Variants in CAMK4 observed in about 807,000 individuals in gnomAD.
CAMK4 encodes the protein calcium/calmodulin-dependent protein kinase type IV.
CAMK4 carries 22 observed loss-of-function variants against 44.9 expected under a neutral mutation model. That is an observed-to-expected ratio of 0.49 (90% CI 0.35 to 0.70). The LOEUF is 0.70. Ranked by LOEUF, CAMK4 falls within the 30% of genes least tolerant of loss-of-function variation. The pLI, the probability that CAMK4 is intolerant of heterozygous loss-of-function variation, is 0.01. For missense variants in CAMK4, 498 were observed against 586.8 expected (o/e 0.85, Z 1.56); for synonymous variants, 218 against 215.4 (o/e 1.01, Z -0.11).
At chr5:111,404,502 G>C (rs1463515687) in intron 5 of CAMK4, among the ~76,000 whole-genome samples, 2 of 152,206 alleles carry the variant, frequency 1.3e-5, no homozygotes, top group Non-Finnish European at 2.9e-5. Flanking sequence ...TTAGCTGCTA[G>C]AGAAAAAGAA....
At chr5:111,386,385 A>G (rs1443789712) in intron 4 of CAMK4, among the ~76,000 whole-genome samples, 1 of 152,218 alleles carries the variant, frequency 6.6e-6, no homozygotes, top group African/African-American at 2.4e-5. Context: ...TCTTTCTCAC[A>G]TAAACCTAGT....
At chr5:111,385,210 G>T (rs1751555096) in intron 4 of CAMK4, among the ~76,000 whole-genome samples, 1 of 152,082 alleles carries the variant, frequency 6.6e-6, no homozygotes, top group African/African-American at 2.4e-5. Context: ...TTAGAGATTG[G>T]CCCCATATTC....
chr5:111,244,895 A>G (rs1469796456), intron 1 of CAMK4, among the ~76,000 whole-genome samples: 1 of 151,890 alleles, frequency 6.6e-6, no homozygotes, highest in Non-Finnish European at 1.5e-5. Flanking sequence ...AATAAATAAT[A>G]TAACATAACA....
chr5:111,298,194 T>G (rs778706788), intron 1 of CAMK4, among the ~76,000 whole-genome samples: 1 of 152,232 alleles, frequency 6.6e-6, no homozygotes, highest in South Asian at 2.1e-4. Flanking sequence ...TTAAAAATTA[T>G]GTATATAAGT....
intron 4 of CAMK4, among the ~76,000 whole-genome samples, chr5:111,387,098 G>A (rs1000621264): frequency 6.6e-6 from 1 of 152,122 alleles, no homozygotes; most frequent in African/African-American, 2.4e-5. Flanking sequence ...TTCAAATCAC[G>A]AAACAGAAAT....
At chr5:111,420,023 T>C (rs1261277650) in intron 5 of CAMK4, among the ~76,000 whole-genome samples, 4 of 152,004 alleles carry the variant, frequency 2.6e-5, no homozygotes, top group Non-Finnish European at 2.9e-5. Context: ...AATCTATAAA[T>C]TACCTTGGGC....
chr5:111,393,924 G>T (rs1751903001), intron 4 of CAMK4, among the ~76,000 whole-genome samples: 2 of 147,580 alleles, frequency 1.4e-5, no homozygotes, highest in African/African-American at 5.0e-5. Flanking sequence ...AAACTCTAAA[G>T]ATCAAGTGAC....
chr5:111,381,035 T>C (rs1256653912), intron 4 of CAMK4, among the ~76,000 whole-genome samples: 1 of 152,130 alleles, frequency 6.6e-6, no homozygotes, highest in Non-Finnish European at 1.5e-5. Context: ...CTTAGCTCTG[T>C]GTAATTGCCA....
chr5:111,232,060 C>T (rs1748498790), intron 1 of CAMK4, among the ~76,000 whole-genome samples: 1 of 152,076 alleles, frequency 6.6e-6, no homozygotes, highest in Non-Finnish European at 1.5e-5. Context: ...TATTTAATTC[C>T]ATGCGTTTGT....
intron 5 of CAMK4, among the ~76,000 whole-genome samples, chr5:111,445,102 T>C (rs962930977): frequency 2.4e-4 from 36 of 152,220 alleles, no homozygotes; most frequent in Non-Finnish European, 2.9e-5. Context: ...CAGGTATCTG[T>C]CCTAGAAAAA....
chr5:111,366,275 A>G (rs137994647), intron 2 of CAMK4, among the ~76,000 whole-genome samples: 2 of 152,292 alleles, frequency 1.3e-5, no homozygotes, highest in East Asian at 3.9e-4. Flanking sequence ...AATCTCTGCA[A>G]GGAAAATAAG....
chr5:111,412,922 G>C (rs1355588678), intron 5 of CAMK4, among the ~76,000 whole-genome samples: 4 of 152,172 alleles, frequency 2.6e-5, no homozygotes, highest in Non-Finnish European at 4.4e-5. Flanking sequence ...GTGGGTAAAA[G>C]TATGACTGCA....
intron 7 of CAMK4, among the ~76,000 whole-genome samples, chr5:111,456,667 T>TA (rs5870454): frequency 0.67 from 101,574 of 150,612 alleles, 36,288 homozygotes; most frequent in Non-Finnish European, 0.8. Context: ...GGTAAACCAT[T>TA]AAAAAAAAGG....
chr5:111,332,083 T>C (rs890567756), intron 1 of CAMK4, among the ~76,000 whole-genome samples: 2 of 151,696 alleles, frequency 1.3e-5, no homozygotes, highest in African/African-American at 2.4e-5. Context: ...TCCTTTTCTT[T>C]TTTATTATTA....
chr5:111,446,806 C>G lies in CAMK4; in HGVS notation c.550+30C>G, dbSNP rs150169130. ...GAACATTTCTTCTTGTTTTGTGACC[C>G]CTTTTTTCAGAGCAGAAAAAATTTT... On this transcript the variant is annotated intron_variant, in intron 6 of 10. Transcript: ENST00000282356. 1.1e-4 allele frequency: 155 copies of G among 1,398,050 alleles called. 1 individual carries two copies. The East Asian group carries it at 3.4e-3, about 31-fold the overall frequency. 86.6% of individuals were successfully genotyped at this position (1,398,050 alleles called of 1,614,324 possible).
At chr5:111,451,890 C>T (rs1009944664) in intron 7 of CAMK4, among the ~76,000 whole-genome samples, 4 of 152,112 alleles carry the variant, frequency 2.6e-5, no homozygotes, top group African/African-American at 9.7e-5. Flanking sequence ...TAAAAGGAAA[C>T]CTGGTCTCAG....
chr5:111,349,873 C>G (rs1750019820), intron 2 of CAMK4, among the ~76,000 whole-genome samples: 1 of 151,932 alleles, frequency 6.6e-6, no homozygotes, highest in South Asian at 2.1e-4. Context: ...GATGAAATTT[C>G]TAACTATGTA....
chr5:111,474,605 A>G (rs1236117029), intron 8 of CAMK4, among the ~76,000 whole-genome samples: 1 of 152,082 alleles, frequency 6.6e-6, no homozygotes, highest in Non-Finnish European at 1.5e-5. Flanking sequence ...GGGGAATACA[A>G]TTCAGTCCGT....
intron 1 of CAMK4, among the ~76,000 whole-genome samples, chr5:111,320,082 A>G (rs1748595989): frequency 1.3e-5 from 2 of 152,200 alleles, no homozygotes. Flanking sequence ...AATGCCTAAA[A>G]CCTTGTTCAT....
Sources: gnomAD v4.1 joint callset for allele counts (sites outside exome capture counted in the v4.1 genomes callset) on GRCh38, gnomAD v4.1.1 for gene constraint, MANE v1.5 for transcripts, NCBI Gene and HGNC (gene_info 2026-07-23, HGNC 2026-07-21) for gene names.